MMP14: variants seen among roughly 807,000 people sequenced by gnomAD.
MMP14 encodes matrix metallopeptidase 14.
A neutral mutation model predicts 64.8 loss-of-function variants in MMP14; 13 were observed. The ratio of observed to expected loss-of-function variants is 0.20; its 90% CI spans 0.13 to 0.32. The LOEUF is 0.32. Among genes scored for constraint, MMP14 ranks in the 10% least tolerant of loss-of-function variants. The probability of loss-of-function intolerance (pLI) is 1.00; values close to 1 mark genes in which losing one functional copy is unlikely to be tolerated. For missense variants in MMP14, 594 were observed against 783.8 expected (o/e 0.76, Z 2.89); for synonymous variants, 322 against 315.9 (o/e 1.02, Z -0.20).
intron 9 of MMP14, 101 bp downstream of exon 9, chr14:22,845,467 G>A: frequency 1.1e-6 from 1 of 912,702 alleles, no homozygotes. Flanking sequence ...GGAAAACAAC[G>A]GCGATGATAA....
At position 22,841,555 on chromosome 14, in the gene MMP14, C is replaced by G; in HGVS notation, c.173C>G (p.Pro58Arg). Residue 58 changes from proline to arginine, a missense_variant, in exon 2 of 10, where the codon CCC becomes CGC. Transcript: ENST00000311852. The part of the protein sequence containing the change: ...GDLRTHTQRS[P>R]QSLSAAIAAM... ...CTACGTACCCACACACAGCGCTCAC[C>G]CCAGTCACTCTCAGCGGCCATCGCT... The G allele has an allele frequency of 1.2e-6, 2 of 1,614,152 alleles. No individual in the cohort carries two copies. Among genetic ancestry groups the G allele is most frequent in the Non-Finnish European group, 1.7e-6 (2 of 1,180,026 alleles).
chr14:22,840,203 G>C (rs1317708928), intron 1 of MMP14, among the ~76,000 whole-genome samples: 1 of 152,052 alleles, frequency 6.6e-6, no homozygotes, highest in Admixed American at 6.5e-5. Flanking sequence ...CTGACCTCAG[G>C]TGATCTGCCC....
Position 22,845,832 on chromosome 14 carries a change from G to T in MMP14, c.1542G>T (p.Pro514=), listed in dbSNP as rs757826669. 2 of 1,614,076 alleles carry T rather than the reference G, an allele frequency of 1.2e-6. No homozygotes were observed. Among genetic ancestry groups the T allele is most frequent in the Non-Finnish European group, 1.7e-6 (2 of 1,180,048 alleles). Residue 514 remains proline (P), a synonymous_variant, in exon 10 of 10, where the codon CCG becomes CCT. Coordinates refer to ENST00000311852, the MANE Select transcript of MMP14 (RefSeq NM_004995.4). ...DWMGCPSGGR[P]DEGTEEETEV... is the part of the protein sequence containing the mutation. ...TGGGCTGCCCATCGGGAGGCCGGCCGGATGAGGGGACTGAGGAGGAGACGG... is the reference window on the plus strand; with the variant it reads ...TGGGCTGCCCATCGGGAGGCCGGCCTGATGAGGGGACTGAGGAGGAGACGG...
rs1298743523 is a variant in MMP14, at chr14:22,846,512, C to G, written c.*473C>G. 6.2e-6 allele frequency: 1 copy of G among 160,840 alleles called. No homozygotes were observed. Among genetic ancestry groups the G allele is most frequent in the Non-Finnish European group, 1.4e-5 (1 of 73,944 alleles). The allele number at this position is 160,840 out of a possible 1,614,324, so 10.0% of individuals were successfully genotyped here. ...GGTGTACCCAATTGGCAGCCTCTCA[C>G]TACTCTTTCTGGCTAAAAGGAATCT... is the stretch of plus-strand genomic sequence containing the variant. On this transcript the variant is annotated 3_prime_UTR_variant, in exon 10 of 10. Transcript: ENST00000311852.
At position 22,844,396 on chromosome 14, in the gene MMP14, A is replaced by G. The variant is rs1315673455; in HGVS notation, c.1037A>G (p.Asn346Ser). ...FKERWFWRVR[N>S]NQVMDGYPMP... ...GAGCGCTGGTTCTGGCGGGTGAGGA[A>G]TAACCAAGTGATGGATGGATACCCA... Residue 346 changes from asparagine (N) to serine (S), a missense_variant, in exon 7 of 10, where the codon AAT (asparagine) becomes AGT (serine). Physicochemically the swap from Asn to Ser is conservative, Grantham distance 46. Coordinates refer to ENST00000311852, the MANE Select transcript of MMP14 (RefSeq NM_004995.4). 2 of 1,614,116 alleles carry G rather than the reference A, an allele frequency of 1.2e-6. No individual in the cohort carries two copies. Among genetic ancestry groups the G allele is most frequent in the South Asian group, 2.2e-5 (2 of 91,088 alleles).
chr14:22,846,247 C>T lies in MMP14; in HGVS notation c.*208C>T, dbSNP rs1437318620. ...ATTGCATCTTCCCTAGATAGGTCCCCTGAGGGCTGAGTGGGAGGGCGGCCC... is the reference window on the plus strand; with the variant it reads ...ATTGCATCTTCCCTAGATAGGTCCCTTGAGGGCTGAGTGGGAGGGCGGCCC... On this transcript the variant is annotated 3_prime_UTR_variant, in exon 10 of 10. Coordinates refer to ENST00000311852, the MANE Select transcript of MMP14 (RefSeq NM_004995.4). The T allele has an allele frequency of 5.4e-6, 3 of 554,700 alleles. No homozygotes were observed. In the East Asian group the frequency reaches 9.1e-5, roughly 17 times the overall value. 34.4% of individuals were successfully genotyped at this position (554,700 alleles called of 1,614,324 possible).
chr14:22,837,345 A>G, intron 1 of MMP14: 1 of 457,862 alleles, frequency 2.2e-6, no homozygotes, highest in Non-Finnish European at 4.4e-6. Flanking sequence ...TCGACTTCCC[A>G]GCTCTCCAGC....
intron 9 of MMP14, 105 bp from the exon 10 acceptor site, chr14:22,845,603 G>T: frequency 8.3e-7 from 1 of 1,210,950 alleles, no homozygotes; most frequent in East Asian, 2.3e-5. Context: ...CACGAAGGTG[G>T]AGGGAAGCTC....
In MMP14 at chr14:22,846,054, C is replaced by G. The variant is rs1243558679; in HGVS notation, c.*15C>G. 1.8e-5 allele frequency: 26 copies of G among 1,458,058 alleles called. No individual in the cohort carries two copies. The highest frequency in any genetic ancestry group is 2.2e-5 in the Non-Finnish European group (24 of 1,104,254). 90.3% of individuals were successfully genotyped at this position (1,458,058 alleles called of 1,614,324 possible). ...ACAAGGTCTGACGCCCACCGCCGGC[C>G]CGCCCACTCCTACCACAAGGACTTT... On this transcript the variant is annotated 3_prime_UTR_variant, in exon 10 of 10. Transcript: ENST00000311852.
chr14:22,846,138 C>T lies in MMP14; in HGVS notation c.*99C>T. The T allele has an allele frequency of 7.6e-6, 9 of 1,186,812 alleles. No individual in the cohort carries two copies. Among genetic ancestry groups the T allele is most frequent in the Non-Finnish European group, 1.0e-5 (9 of 874,236 alleles). The allele number at this position is 1,186,812 out of a possible 1,614,324, so 73.5% of individuals were successfully genotyped here. On this transcript the variant is annotated 3_prime_UTR_variant, in exon 10 of 10. Transcript: ENST00000311852. ...GGTGGGCTGTTCCCATCGTCCCGAGCCCCCTCCCCGCAGCCTCCTTGCTTC... is the reference window on the plus strand; with the variant it reads ...GGTGGGCTGTTCCCATCGTCCCGAGTCCCCTCCCCGCAGCCTCCTTGCTTC...
chr14:22,841,860 T>C, intron 2 of MMP14, 53 bp from the exon 3 acceptor site: 1 of 1,609,886 alleles, frequency 6.2e-7, no homozygotes, highest in East Asian at 2.2e-5. Flanking sequence ...GTGGAGACCT[T>C]TCTCTTTCAT....
rs2039799027 is a variant in MMP14 at position 22,844,657 on chromosome 14, C to T, written c.1178C>T (p.Ala393Val). The change falls in exon 8 of 10, where the codon GCG becomes GTG. Residue 393 changes from alanine (A) to valine (V), a missense_variant. By Grantham distance (64) the Ala-to-Val change is moderately conservative. Coordinates refer to ENST00000311852, the MANE Select transcript of MMP14 (RefSeq NM_004995.4). Reference sequence around the variant, plus strand: ...GACAAGCATTGGGTGTTTGATGAGGCGTCCCTGGAACCTGGCTACCCCAAG... The same window carrying T: ...GACAAGCATTGGGTGTTTGATGAGGTGTCCCTGGAACCTGGCTACCCCAAG... ...KGDKHWVFDE[A>V]SLEPGYPKHI... 2 of 1,614,044 alleles carry T rather than the reference C, an allele frequency of 1.2e-6. No individual in the cohort carries two copies. Among genetic ancestry groups the T allele is most frequent in the East Asian group, 2.2e-5 (1 of 44,866 alleles).
chr14:22,841,276 C>T lies in MMP14; in HGVS notation c.109-215C>T, dbSNP rs8006914. Among the ~76,000 whole-genome samples, 44,014 of 152,174 alleles carry T rather than the reference C, an allele frequency of 0.29. 7,074 individuals carry two copies. The highest frequency in any genetic ancestry group is 0.39 in the East Asian group (2,028 of 5,166). ...GCTACAGCCAAAAGCCTGTTTGGGC[C>T]CATAGCCCCGAGGGGACAAGCTATA... On this transcript the variant is annotated intron_variant, in intron 1 of 9. Coordinates refer to ENST00000311852, the MANE Select transcript of MMP14 (RefSeq NM_004995.4).
In MMP14 at chr14:22,842,527, C is replaced by T. The variant is rs747951849; in HGVS notation, c.498C>T (p.Tyr166=). 9.9e-6 allele frequency: 16 copies of T among 1,614,158 alleles called. No homozygotes were observed. The highest frequency in any genetic ancestry group is 1.2e-5 in the Non-Finnish European group (14 of 1,180,000). ...GCTTCCGCGAGGTGCCCTATGCCTA[C>T]ATCCGTGAGGGCCATGAGAAGCAGG... ...PLRFREVPYA[Y]IREGHEKQAD... Residue 166 remains tyrosine (Y), a synonymous_variant, in exon 4 of 10, where the codon TAC becomes TAT. Coordinates refer to ENST00000311852, the MANE Select transcript of MMP14 (RefSeq NM_004995.4). This position sits in a 1 kb window ranked among gnomAD's most constrained non-coding sequence, Gnocchi z 5.3.
In MMP14 at chr14:22,841,407, G is replaced by C; in HGVS notation, c.109-84G>C. 2.6e-6 allele frequency: 4 copies of C among 1,553,716 alleles called. 1 individual carries two copies. The highest frequency in any genetic ancestry group is 3.5e-6 in the Non-Finnish European group (4 of 1,145,978). Reference sequence around the variant, plus strand: ...ACTGCCCTTTCCTTGCCAAGCCAAGGCTGTATGCTGGGCATTGTCGGGGAG... The same window carrying C: ...ACTGCCCTTTCCTTGCCAAGCCAAGCCTGTATGCTGGGCATTGTCGGGGAG... On this transcript the variant is annotated intron_variant, in intron 1 of 9. Transcript: ENST00000311852.
At chr14:22,841,446 A>T (rs989976833) in intron 1 of MMP14, 45 bp from the exon 2 acceptor site, 3 of 1,603,526 alleles carry the variant, frequency 1.9e-6, no homozygotes, top group Non-Finnish European at 2.6e-6. Context: ...GAGGCACCCT[A>T]TGGGCCAGGT....
chr14:22,842,115 C>T lies in MMP14; in HGVS notation c.380+80C>T. 1 of 1,548,692 alleles carries T rather than the reference C, an allele frequency of 6.5e-7. No homozygotes were observed. Among genetic ancestry groups the T allele is most frequent in the Non-Finnish European group, 8.9e-7 (1 of 1,129,190 alleles). On this transcript the variant is annotated intron_variant, in intron 3 of 9. Transcript: ENST00000311852. The surrounding 1 kb of genome is among the most constrained non-coding windows in gnomAD (Gnocchi z 5.3). ...TTGTGCTTATGCAGGGACTCAGAGA[C>T]CCCCTGCCCCACTCCCCTCAGTTCC...
Position 22,842,402 on chromosome 14 carries a change from G to A in MMP14, c.381-8G>A, listed in dbSNP as rs1236230165. The A allele has an allele frequency of 6.2e-7, 1 of 1,604,968 alleles. No homozygotes were observed. Among genetic ancestry groups the A allele is most frequent in the Non-Finnish European group, 8.5e-7 (1 of 1,174,464 alleles). ...ACCCCATCCTCTCCCCACGTGGCTG[G>A]ACCTCAGCATCCAGAATTACACCCC... On this transcript the variant is annotated splice_polypyrimidine_tract_variant and splice_region_variant and intron_variant, in intron 3 of 9. Coordinates refer to ENST00000311852, the MANE Select transcript of MMP14 (RefSeq NM_004995.4). The surrounding 1 kb of genome is among the most constrained non-coding windows in gnomAD (Gnocchi z 5.3).
chr14:22,841,738 C>G (rs753295431), intron 2 of MMP14, 99 bp downstream of exon 2: 17 of 1,556,644 alleles, frequency 1.1e-5, no homozygotes, highest in East Asian at 2.3e-5. Context: ...GCACCCCACT[C>G]CCCCATATCT....
Sources: gnomAD v4.1 joint callset for allele counts (sites outside exome capture counted in the v4.1 genomes callset) on GRCh38, gnomAD v4.1.1 for gene constraint, Gnocchi (gnomAD v3.1) non-coding constraint, MANE v1.5 for transcripts, NCBI Gene and HGNC (gene_info 2026-07-23, HGNC 2026-07-21) for gene names.